Variants in PGM5 observed in about 807,000 individuals in gnomAD.
The protein encoded by PGM5 is phosphoglucomutase-like protein 5.
A neutral mutation model predicts 59.2 loss-of-function variants in PGM5; 23 were observed. The ratio of observed to expected loss-of-function variants is 0.39; its 90% confidence interval spans 0.28 to 0.55. The LOEUF (loss-of-function observed/expected upper bound fraction) is 0.55. Among genes scored for constraint, PGM5 ranks in the 20% least tolerant of loss-of-function variants. The probability of loss-of-function intolerance (pLI) is 0.66; values close to 1 mark genes in which losing one functional copy is unlikely to be tolerated. For synonymous variants in PGM5, 214 were observed against 286.0 expected, an observed-to-expected ratio of 0.75 and a Z score of 2.54; for missense variants, 574 against 748.3, an observed-to-expected ratio of 0.77 and a Z score of 2.72.
intron 9 of PGM5, chr9:68,498,417 C>T (rs1345431550): frequency 1.3e-5 from 2 of 152,028 alleles, no homozygotes; most frequent in Non-Finnish European, 2.9e-5. Flanking sequence ...TTGTCTGTGT[C>T]ATCTTATGTT....
At chr9:68,483,034 A>C (rs1824223861) in intron 8 of PGM5, among the ~76,000 whole-genome samples, 1 of 152,204 alleles carries the variant, frequency 6.6e-6, no homozygotes, top group East Asian at 1.9e-4. Context: ...TATTGTGCTC[A>C]GTTCCCCTTC....
chr9:68,470,389 G>A (rs1274608149), intron 7 of PGM5, among the ~76,000 whole-genome samples: 1 of 152,176 alleles, frequency 6.6e-6, no homozygotes, highest in Non-Finnish European at 1.5e-5. Flanking sequence ...TCCCCTGAGA[G>A]TTGTAGAGTT....
Position 68,392,410 on chromosome 9 carries a change from A to G in PGM5, c.980A>G (p.Tyr327Cys). The change falls in exon 6 of 11, where the codon TAT becomes TGT. Residue 327 changes from tyrosine to cysteine, a missense_variant. Around this residue, in one of 7 missense-constraint regions of PGM5, gnomAD observed 8 missense variants for 75.4 expected, o/e 0.11. Coordinates refer to ENST00000396396, the MANE Select transcript of PGM5 (RefSeq NM_021965.4). ...IIAANLSCIPYFRQMGVRGFG... is the reference protein window; with the variant it reads ...IIAANLSCIPCFRQMGVRGFG... ...GCTGCCAACCTCTCTTGCATTCCAT[A>G]TTTCCGTCAGATGGGGGTCCGCGGG... 1 of 1,611,516 alleles carries G rather than the reference A, an allele frequency of 6.2e-7. No homozygotes were observed.
chr9:68,525,455 T>C (rs1387729992), intron 10 of PGM5, among the ~76,000 whole-genome samples: 1 of 152,136 alleles, frequency 6.6e-6, no homozygotes, highest in Non-Finnish European at 1.5e-5. Flanking sequence ...GGTGGCCCCA[T>C]AGGATTGGAA....
Position 68,437,573 on chromosome 9 carries a change from AC to A in PGM5, c.1044-27519del. On this transcript the variant is annotated intron_variant, in intron 6 of 10. Transcript: ENST00000396396. This position sits in a 1 kb window ranked among gnomAD's most constrained non-coding sequence, Gnocchi z 4.1. ...GAATCAATTTTTCAAAGGGACACAC[AC>A]ACTCACACACACACACACACACACA... is the stretch of plus-strand genomic sequence containing the variant. 6.7e-6 allele frequency among the ~76,000 whole-genome samples: 1 copy of A among 149,496 alleles called. No individual in the cohort carries two copies. Among genetic ancestry groups the A allele is most frequent in the East Asian group, 2.0e-4 (1 of 5,104 alleles).
At chr9:68,364,210 T>C (rs1429817643) in intron 1 of PGM5, among the ~76,000 whole-genome samples, 2 of 151,544 alleles carry the variant, frequency 1.3e-5, no homozygotes, top group Admixed American at 1.3e-4. Context: ...GAAGGCTGGC[T>C]CAGTAGGAGC....
At position 68,529,634 on chromosome 9, in the gene PGM5, G is replaced by A. The variant is rs1825049706; in HGVS notation, c.1682G>A (p.Arg561Lys). The change falls in exon 11 of 11, where the codon AGG (arginine) becomes AAG (lysine). Residue 561 changes from arginine (R) to lysine (K), a missense_variant. Arg to Lys is a conservative substitution (Grantham distance 26). Coordinates refer to ENST00000396396, the MANE Select transcript of PGM5 (RefSeq NM_021965.4). ...CAGATTCATGAGAGAACTGGCCGGA[G>A]GGGACCCACTGTCATCACCTGAATA... ...ISQIHERTGR[R>K]GPTVIT The A allele has an allele frequency of 4.4e-6, 7 of 1,598,402 alleles. No homozygotes were observed. Among genetic ancestry groups the A allele is most frequent in the African/African-American group, 4.0e-5 (3 of 74,730 alleles).
intron 7 of PGM5, among the ~76,000 whole-genome samples, chr9:68,473,978 G>C (rs1824062899): frequency 6.6e-6 from 1 of 152,006 alleles, no homozygotes; most frequent in Non-Finnish European, 1.5e-5. Flanking sequence ...AGAGGAAGAG[G>C]CCTCACTCAC....
rs1180876363 is a variant in PGM5, at chr9:68,453,513, A to AT, written c.1044-11574dup. Among the ~76,000 whole-genome samples the AT allele has an allele frequency of 4.0e-5, 6 of 151,634 alleles. No homozygotes were observed. The South Asian group carries it at 1.2e-3, about 32-fold the overall frequency. On this transcript the variant is annotated intron_variant, in intron 6 of 10. Coordinates refer to ENST00000396396, the MANE Select transcript of PGM5 (RefSeq NM_021965.4). ...ACCACCACAGCTGGCTAATTTTAGTATTTTTTCTTTTTTTGAGCCAGGAGT... is the reference window on the plus strand; with the variant it reads ...ACCACCACAGCTGGCTAATTTTAGTATTTTTTTCTTTTTTTGAGCCAGGAGT...
At chr9:68,470,322 G>A (rs1307549525) in intron 7 of PGM5, among the ~76,000 whole-genome samples, 2 of 152,124 alleles carry the variant, frequency 1.3e-5, no homozygotes, top group African/African-American at 4.8e-5. Context: ...TTTGTGCTCT[G>A]TTGTCTTATG....
At chr9:68,529,492 T>C in intron 10 of PGM5, 75 bp from the exon 11 acceptor site, 1 of 1,005,936 alleles carries the variant, frequency 9.9e-7, no homozygotes, top group Non-Finnish European at 1.5e-6. Flanking sequence ...CAGATGCTTA[T>C]GGTAGAAATC....
intron 6 of PGM5, among the ~76,000 whole-genome samples, chr9:68,393,297 A>G (rs1822412396): frequency 1.3e-5 from 2 of 151,052 alleles, no homozygotes; most frequent in African/African-American, 2.4e-5. Flanking sequence ...CTTTCTATAC[A>G]TATACATTAT....
At position 68,499,256 on chromosome 9, in the gene PGM5, A is replaced by G. The variant is rs781922849; in HGVS notation, c.1509A>G (p.Ser503=). ...TAAGGATCATTTTCTCGGATGCATC[A>G]CGGCTCATCTTCCGGCTCAGTTCCT... ...QGLRIIFSDA[S]RLIFRLSSSS... The change falls in exon 10 of 11, where the codon TCA becomes TCG. Residue 503 remains serine (S), a synonymous_variant. Coordinates refer to ENST00000396396, the MANE Select transcript of PGM5 (RefSeq NM_021965.4). 13 of 1,614,160 alleles carry G rather than the reference A, an allele frequency of 8.1e-6. No individual in the cohort carries two copies. Among genetic ancestry groups the G allele is most frequent in the East Asian group, 2.2e-5 (1 of 44,880 alleles).
At position 68,387,505 on chromosome 9, in the gene PGM5, G is replaced by A. The variant is rs566016535; in HGVS notation, c.614G>A (p.Arg205Gln). Residue 205 changes from arginine to glutamine, a missense_variant, in exon 4 of 11, where the codon CGG (arginine) becomes CAG (glutamine). Around this residue, in one of 7 missense-constraint regions of PGM5, gnomAD observed 103 missense variants for 112.4 expected, o/e 0.92. Coordinates refer to ENST00000396396, the MANE Select transcript of PGM5 (RefSeq NM_021965.4). ...DPVDIYLNLL[R>Q]TIFDFHAIKG... ...GTGGATATCTATCTTAACCTCCTTC[G>A]GACCATCTTTGACTTTCATGCCATC... 60 of 1,611,984 alleles carry A rather than the reference G, an allele frequency of 3.7e-5. No homozygotes were observed. The Admixed American group carries it at 5.7e-4, about 15-fold the overall frequency.
At chr9:68,403,192 C>T (rs1822713193) in intron 6 of PGM5, among the ~76,000 whole-genome samples, 1 of 152,106 alleles carries the variant, frequency 6.6e-6, no homozygotes. Flanking sequence ...AGAGCAAATC[C>T]TACTGTGAAC....
intron 7 of PGM5, among the ~76,000 whole-genome samples, chr9:68,468,597 G>C (rs1404100215): frequency 1.3e-5 from 2 of 152,122 alleles, no homozygotes; most frequent in Admixed American, 6.5e-5. Flanking sequence ...ATGGTGTGTA[G>C]AATACAAAAT....
chr9:68,360,705 T>G (rs1587767513), intron 1 of PGM5, among the ~76,000 whole-genome samples: 1 of 152,284 alleles, frequency 6.6e-6, no homozygotes, highest in East Asian at 1.9e-4. Flanking sequence ...ATTGTAAACA[T>G]TTTCCTATAT....
intron 10 of PGM5, among the ~76,000 whole-genome samples, chr9:68,528,594 A>G (rs186196511): frequency 9.7e-4 from 148 of 152,322 alleles, no homozygotes; most frequent in East Asian, 3.5e-3. Flanking sequence ...TATTTATTAT[A>G]AAAGTACTCT....
chr9:68,461,093 TC>T (rs1212771649), intron 6 of PGM5, among the ~76,000 whole-genome samples: 1 of 152,034 alleles, frequency 6.6e-6, no homozygotes, highest in East Asian at 1.9e-4. Flanking sequence ...GTGTTTTCAA[TC>T]CCCTAAAGTT....
Sources: gnomAD v4.1 joint callset for allele counts (sites outside exome capture counted in the v4.1 genomes callset) on GRCh38, gnomAD v4.1.1 for gene constraint, gnomAD v4.1.1 regional missense constraint, Gnocchi (gnomAD v3.1) non-coding constraint, MANE v1.5 for transcripts, NCBI Gene and HGNC (gene_info 2026-07-23, HGNC 2026-07-21) for gene names.